Variants in SNX29 observed in about 807,000 individuals in gnomAD.
The protein encoded by SNX29 is sorting nexin 29, also known as sorting nexin-29.
A neutral mutation model predicts 102.1 loss-of-function variants in SNX29; 78 were observed. That is an observed-to-expected ratio of 0.76 (90% CI 0.64 to 0.92). The LOEUF (loss-of-function observed/expected upper bound fraction) is 0.92, where lower values mean the gene tolerates loss of function less well. SNX29 is among the 40% of genes least tolerant of loss of function. SNX29 has a pLI of 0.00. For missense variants in SNX29, 1,280 were observed against 1,061.7 expected (o/e 1.21, Z -2.86); for synonymous variants, 580 against 414.5 (o/e 1.40, Z -4.85).
chr16:12,511,938 G>A (rs141628692), intron 19 of SNX29, among the ~76,000 whole-genome samples: 2 of 152,152 alleles, frequency 1.3e-5, no homozygotes, highest in Non-Finnish European at 2.9e-5. Flanking sequence ...TGGTCGGGCC[G>A]CATAGAAGCG....
intron 16 of SNX29, among the ~76,000 whole-genome samples, chr16:12,371,325 G>A (rs914168039): frequency 1.3e-5 from 2 of 151,274 alleles, no homozygotes; most frequent in Non-Finnish European, 2.9e-5. Context: ...TAGAGACAGG[G>A]TCTTTCTCTG....
At chr16:12,375,813 T>C (rs1475757071) in intron 16 of SNX29, 1 of 152,000 alleles carries the variant, frequency 6.6e-6, no homozygotes, top group African/African-American at 2.4e-5. Flanking sequence ...TGGGGGTGCA[T>C]TTGAGGTCAG....
chr16:12,381,061 C>T (rs1382811011), intron 16 of SNX29, among the ~76,000 whole-genome samples: 1 of 61,114 alleles, frequency 1.6e-5, no homozygotes, highest in Non-Finnish European at 3.4e-5. Flanking sequence ...TACCATCCAT[C>T]TACCCACCTA....
chr16:12,458,873 C>G (rs2086648071), intron 18 of SNX29, among the ~76,000 whole-genome samples: 1 of 152,258 alleles, frequency 6.6e-6, no homozygotes, highest in African/African-American at 2.4e-5. Flanking sequence ...CAATCAGATT[C>G]TCTGTTGGTC....
chr16:12,553,536 C>T (rs1261149270), intron 20 of SNX29, among the ~76,000 whole-genome samples: 1 of 152,128 alleles, frequency 6.6e-6, no homozygotes, highest in Non-Finnish European at 1.5e-5. Context: ...AGGGACCCCA[C>T]AGAGCACTGC....
chr16:12,484,843 T>C (rs1177126943), intron 19 of SNX29, among the ~76,000 whole-genome samples: 2 of 152,184 alleles, frequency 1.3e-5, no homozygotes, highest in African/African-American at 2.4e-5. Context: ...TGTATACCAT[T>C]GATTGAAATG....
chr16:12,285,995 A>T (rs569911454), intron 15 of SNX29, among the ~76,000 whole-genome samples: 1 of 152,142 alleles, frequency 6.6e-6, no homozygotes, highest in East Asian at 1.9e-4. Context: ...AGCATACGCT[A>T]CCATGCTCAG....
At chr16:12,079,631 G>A (rs1166383920) in intron 11 of SNX29, among the ~76,000 whole-genome samples, 1 of 152,110 alleles carries the variant, frequency 6.6e-6, no homozygotes, top group African/African-American at 2.4e-5. Context: ...ACCAACAGTT[G>A]GTTTATTTTT....
chr16:12,543,811 A>T (rs186262321), intron 20 of SNX29, among the ~76,000 whole-genome samples: 1 of 152,250 alleles, frequency 6.6e-6, no homozygotes, highest in Non-Finnish European at 1.5e-5. Flanking sequence ...CTCCCAGCCC[A>T]TGAGACAGGG....
intron 15 of SNX29, among the ~76,000 whole-genome samples, chr16:12,279,316 C>A (rs912204998): frequency 1.3e-5 from 2 of 152,180 alleles, no homozygotes; most frequent in African/African-American, 2.4e-5. Context: ...GCCATTCTTA[C>A]CATCTGTTTT....
chr16:12,019,242 C>T (rs921305933), intron 3 of SNX29, among the ~76,000 whole-genome samples: 1 of 152,172 alleles, frequency 6.6e-6, no homozygotes, highest in Non-Finnish European at 1.5e-5. Flanking sequence ...GAGTCTCGCT[C>T]TGTCACCCAG....
At chr16:12,511,280 G>T (rs927440541) in intron 19 of SNX29, among the ~76,000 whole-genome samples, 5 of 152,170 alleles carry the variant, frequency 3.3e-5, no homozygotes, top group Non-Finnish European at 7.3e-5. Context: ...CCTGAGCTCA[G>T]GTGTGGAACT....
intron 19 of SNX29, among the ~76,000 whole-genome samples, chr16:12,511,936 C>T (rs750427465): frequency 6.6e-6 from 1 of 151,938 alleles, no homozygotes; most frequent in Non-Finnish European, 1.5e-5. Flanking sequence ...AGTGGTCGGG[C>T]CGCATAGAAG....
In SNX29 at chr16:12,199,585, A is replaced by T; in HGVS notation, c.1596-16A>T. The T allele has an allele frequency of 6.2e-7, 1 of 1,602,964 alleles. No homozygotes were observed. The highest frequency in any genetic ancestry group is 8.5e-7 in the Non-Finnish European group (1 of 1,174,300). On this transcript the variant is annotated splice_polypyrimidine_tract_variant and intron_variant, in intron 13 of 20. Coordinates refer to ENST00000566228, the MANE Select transcript of SNX29 (RefSeq NM_032167.5). ...CTTTTTAAATATATATTTTTTTAAC[A>T]TTCTTGTACCTGCAGAGAGAACGAG... is the stretch of plus-strand genomic sequence containing the variant.
At chr16:12,527,351 G>A in intron 20 of SNX29, 1 of 505,860 alleles carries the variant, frequency 2.0e-6, no homozygotes, top group South Asian at 1.6e-5. Flanking sequence ...AGAGATTTCT[G>A]GTTAAAAAAA....
At chr16:12,373,268 G>C (rs759130192) in intron 16 of SNX29, among the ~76,000 whole-genome samples, 6 of 152,202 alleles carry the variant, frequency 3.9e-5, no homozygotes, top group Admixed American at 2.6e-4. Context: ...GAGTAGCTGG[G>C]ATTACAGGCA....
chr16:12,388,745 A>G (rs189838606), intron 16 of SNX29, among the ~76,000 whole-genome samples: 6 of 152,324 alleles, frequency 3.9e-5, no homozygotes, highest in Admixed American at 2.6e-4. Flanking sequence ...CCTGATGTAG[A>G]GTATGGAGAG....
At chr16:12,403,391 T>A (rs564435710) in intron 17 of SNX29, 57 bp from the exon 18 acceptor site, 135 of 1,505,192 alleles carry the variant, frequency 9.0e-5, no homozygotes, top group African/African-American at 8.8e-4. Flanking sequence ...TTTTATTTTT[T>A]ATTTTTTTGT....
At chr16:12,296,912 G>A (rs1442650314) in intron 15 of SNX29, among the ~76,000 whole-genome samples, 8 of 152,204 alleles carry the variant, frequency 5.3e-5, no homozygotes, top group African/African-American at 1.9e-4. Flanking sequence ...CCACATAATC[G>A]TTTGTCATGG....
Sources: gnomAD v4.1 joint callset for allele counts (sites outside exome capture counted in the v4.1 genomes callset) on GRCh38, gnomAD v4.1.1 for gene constraint, MANE v1.5 for transcripts, NCBI Gene and HGNC (gene_info 2026-07-23, HGNC 2026-07-21) for gene names.